Variants in CDC42BPB observed in about 807,000 individuals in gnomAD.
CDC42BPB encodes serine/threonine-protein kinase MRCK beta.
In CDC42BPB, 37 loss-of-function variants were observed where a neutral mutation model predicts 214.9. The ratio of observed to expected loss-of-function variants is 0.17; its 90% confidence interval spans 0.13 to 0.23. CDC42BPB has a LOEUF of 0.23. Ranked by LOEUF, CDC42BPB falls within the 10% of genes least tolerant of loss-of-function variation. The probability of loss-of-function intolerance (pLI) is 1.00; values close to 1 mark genes in which losing one functional copy is unlikely to be tolerated. For missense variants in CDC42BPB, 1,694 were observed against 2,227.0 expected (o/e 0.76, Z 4.82); for synonymous variants, 931 against 884.0 (o/e 1.05, Z -0.94).
chr14:102,943,802 G>C lies in CDC42BPB; in HGVS notation c.4408+89C>G, dbSNP rs929421707. ...TCTGTGACTACTCAACTAAGGGACT[G>C]GAAGACAAACCAAAGCAAAATCGAA... On this transcript the variant is annotated intron_variant, in intron 30 of 36. Transcript: ENST00000361246. This position sits in a 1 kb window ranked among gnomAD's most constrained non-coding sequence, Gnocchi z 4.6. 5.0e-5 allele frequency: 62 copies of C among 1,230,666 alleles called. No homozygotes were observed. Among genetic ancestry groups the C allele is most frequent in the Non-Finnish European group, 6.5e-5 (57 of 880,072 alleles). 76.2% of individuals were successfully genotyped at this position (1,230,666 alleles called of 1,614,324 possible). A position where few individuals can be genotyped will look rare whatever the true frequency, so the allele number is the denominator to read the frequency against.
chr14:103,033,511 C>T (rs1289566203), intron 1 of CDC42BPB, among the ~76,000 whole-genome samples: 3 of 152,074 alleles, frequency 2.0e-5, no homozygotes, highest in Non-Finnish European at 2.9e-5. Context: ...TGTAAGCCAC[C>T]GCACCCAGCT....
At chr14:103,041,596 C>A in intron 1 of CDC42BPB, 2 of 924,344 alleles carry the variant, frequency 2.2e-6, no homozygotes, top group Non-Finnish European at 3.4e-6. Flanking sequence ...TAAAGTGCCC[C>A]ACATTGCCCT....
At chr14:102,970,888 C>CT (rs375469765) in intron 13 of CDC42BPB, among the ~76,000 whole-genome samples, 90 of 152,362 alleles carry the variant, frequency 5.9e-4, no homozygotes, top group African/African-American at 1.7e-3. Context: ...GAGCCCTGAA[C>CT]TTGAAAGGAA....
At chr14:103,008,614 T>G in intron 2 of CDC42BPB, 59 bp from the exon 3 acceptor site, 1 of 1,592,514 alleles carries the variant, frequency 6.3e-7, no homozygotes, top group South Asian at 1.1e-5. Flanking sequence ...GCTAGCACGC[T>G]GGAGCTAAAC....
At position 102,940,143 on chromosome 14, in the gene CDC42BPB, C is replaced by A; in HGVS notation, c.4507-13G>T. 1 of 1,614,078 alleles carries A rather than the reference C, an allele frequency of 6.2e-7. No individual in the cohort carries two copies. The highest frequency in any genetic ancestry group is 8.5e-7 in the Non-Finnish European group (1 of 1,180,040). ...TCAGGGGCCTTATCTGGATTGGAAA[C>A]CAGGGAGGGACAGTAAGCGCGGCCA... is the stretch of plus-strand genomic sequence containing the variant. On this transcript the variant is annotated splice_polypyrimidine_tract_variant and intron_variant, in intron 31 of 36. Coordinates refer to ENST00000361246, the MANE Select transcript of CDC42BPB (RefSeq NM_006035.4).
At chr14:102,940,432 A>T (rs1198664926) in intron 30 of CDC42BPB, 108 bp from the exon 31 acceptor site, 41 of 1,523,050 alleles carry the variant, frequency 2.7e-5, no homozygotes, top group Non-Finnish European at 3.4e-5. Flanking sequence ...AGGCGGCAGC[A>T]CTGCCCTCAG....
intron 7 of CDC42BPB, among the ~76,000 whole-genome samples, chr14:102,981,921 G>C (rs1046364059): frequency 6.6e-6 from 1 of 152,150 alleles, no homozygotes; most frequent in Non-Finnish European, 1.5e-5. Flanking sequence ...GCACACACAC[G>C]AGCTGAGGTC....
chr14:103,055,503 T>G (rs1888895098), intron 1 of CDC42BPB, among the ~76,000 whole-genome samples: 1 of 152,216 alleles, frequency 6.6e-6, no homozygotes, highest in Admixed American at 6.5e-5. Flanking sequence ...AACGGTGAAG[T>G]CAATTAATTA....
rs1408531546 is a variant in CDC42BPB at position 103,051,161 on chromosome 14, GC to G, written c.175+5837del. On this transcript the variant is annotated intron_variant, in intron 1 of 36. Coordinates refer to ENST00000361246, the MANE Select transcript of CDC42BPB (RefSeq NM_006035.4). ...TGGCTAGTGTATTTGGGGCGGGGGG[GC>G]GGGAGATTACTACACGCAGTTCACA... 3.3e-4 allele frequency among the ~76,000 whole-genome samples: 44 copies of G among 134,314 alleles called. 1 individual carries two copies. In the East Asian group the frequency reaches 8.1e-3, roughly 25 times the overall value. The allele number at this position is 134,314 out of a possible 152,430, so 88.1% of individuals were successfully genotyped here.
At chr14:103,031,687 G>A (rs1430559514) in intron 1 of CDC42BPB, among the ~76,000 whole-genome samples, 1 of 152,218 alleles carries the variant, frequency 6.6e-6, no homozygotes, top group South Asian at 2.1e-4. Context: ...CAGCAGGAAG[G>A]GCCTGGGGCT....
chr14:102,963,240 G>T, intron 19 of CDC42BPB, 85 bp from the exon 20 acceptor site: 2 of 1,506,196 alleles, frequency 1.3e-6, no homozygotes, highest in Non-Finnish European at 1.8e-6. Flanking sequence ...TGAGAGAGCC[G>T]GGATTTCTCC....
intron 1 of CDC42BPB, among the ~76,000 whole-genome samples, chr14:103,052,274 T>C (rs970039243): frequency 3.3e-5 from 5 of 152,258 alleles, no homozygotes; most frequent in African/African-American, 7.2e-5. Context: ...ATTTTTATCA[T>C]GCAATCCTAA....
rs865957197 is a variant in CDC42BPB at position 102,933,855 on chromosome 14, A to G, written c.5005-12T>C. 4 of 1,514,820 alleles carry G rather than the reference A, an allele frequency of 2.6e-6. No homozygotes were observed. The highest frequency in any genetic ancestry group is 1.7e-4 in the Middle Eastern group (1 of 5,904). 93.8% of individuals were successfully genotyped at this position (1,514,820 alleles called of 1,614,324 possible). On this transcript the variant is annotated splice_polypyrimidine_tract_variant and intron_variant, in intron 36 of 36. Transcript: ENST00000361246. ...GAGTCCGAATCAGGCTGTGAACAGGAAGAGGGCAGGGTGAGCACCCGCTGC... is the reference window on the plus strand; with the variant it reads ...GAGTCCGAATCAGGCTGTGAACAGGGAGAGGGCAGGGTGAGCACCCGCTGC...
intron 1 of CDC42BPB, among the ~76,000 whole-genome samples, chr14:103,049,074 A>G (rs1888460812): frequency 6.6e-6 from 1 of 152,212 alleles, no homozygotes; most frequent in Non-Finnish European, 1.5e-5. Flanking sequence ...GAACACAGAA[A>G]AAGAGCAAGG....
intron 22 of CDC42BPB, 84 bp downstream of exon 22, chr14:102,954,518 C>A: frequency 6.3e-6 from 9 of 1,422,734 alleles, no homozygotes; most frequent in Non-Finnish European, 5.8e-6. Context: ...AACTGTTATG[C>A]AGGGGCCAGG....
chr14:103,002,218 C>G (rs1020860003), intron 4 of CDC42BPB, among the ~76,000 whole-genome samples: 1 of 152,164 alleles, frequency 6.6e-6, no homozygotes, highest in Admixed American at 6.5e-5. Flanking sequence ...ACCCTCAACG[C>G]CCCCGCTCAA....
In CDC42BPB at chr14:102,950,617, G is replaced by A. The variant is rs1722815566; in HGVS notation, c.3173-15C>T. On this transcript the variant is annotated splice_polypyrimidine_tract_variant and intron_variant, in intron 24 of 36. Transcript: ENST00000361246. The stretch of plus-strand genomic sequence containing the variant: ...AAAGGAACACACTGGAAGAGAGCAA[G>A]AACACTGCCTTCAAAGCTTGCTGCC... The A allele has an allele frequency of 6.5e-7, 1 of 1,549,318 alleles. No individual in the cohort carries two copies. Among genetic ancestry groups the A allele is most frequent in the Non-Finnish European group, 8.7e-7 (1 of 1,146,040 alleles).
Position 102,963,045 on chromosome 14 carries a change from CACA to C in CDC42BPB, c.2821+13_2821+15del, listed in dbSNP as rs1477469812. Reference sequence around the variant, plus strand: ...CTTATATTCAAATAATGCAGAATCGCACAACATTAATTTACCAGTATCTGCTCT... The same window carrying C: ...CTTATATTCAAATAATGCAGAATCGCACATTAATTTACCAGTATCTGCTCT... On this transcript the variant is annotated intron_variant, in intron 20 of 36. Coordinates refer to ENST00000361246, the MANE Select transcript of CDC42BPB (RefSeq NM_006035.4). 8 of 1,127,226 alleles carry C rather than the reference CACA, an allele frequency of 7.1e-6. No homozygotes were observed. The highest frequency in any genetic ancestry group is 6.5e-5 in the South Asian group (5 of 77,338). The allele number at this position is 1,127,226 out of a possible 1,614,324, so 69.8% of individuals were successfully genotyped here.
rs1222473214 is a variant in CDC42BPB, at chr14:102,944,015, A to G, written c.4284T>C (p.Cys1428=). The change falls in exon 30 of 37, where the codon TGT becomes TGC. Residue 1428 remains cysteine (C), a synonymous_variant. Transcript: ENST00000361246. The surrounding 1 kb of genome is among the most constrained non-coding windows in gnomAD (Gnocchi z 6.6). ...ACTCCTCGCTTTCGAGCTCCACAGC[A>G]CAAAGGGCATCAAAAGACTGTTGTG... ...FLSQQSFDAL[C]AVELESEEYL... The G allele has an allele frequency of 1.9e-6, 3 of 1,613,330 alleles. No individual in the cohort carries two copies. In the African/African-American group the frequency reaches 4.0e-5, roughly 22 times the overall value.
Sources: gnomAD v4.1 joint callset for allele counts (sites outside exome capture counted in the v4.1 genomes callset) on GRCh38, gnomAD v4.1.1 for gene constraint, Gnocchi (gnomAD v3.1) non-coding constraint, MANE v1.5 for transcripts, NCBI Gene and HGNC (gene_info 2026-07-23, HGNC 2026-07-21) for gene names.